RGS6: variants seen among roughly 807,000 people sequenced by gnomAD.
The protein encoded by RGS6 is regulator of G-protein signaling 6.
RGS6 carries 30 observed loss-of-function variants against 78.5 expected under a neutral mutation model. The ratio of observed to expected loss-of-function variants is 0.38; its 90% CI spans 0.29 to 0.52. The LOEUF is 0.52. RGS6 is among the 20% of genes least tolerant of loss of function. RGS6 has a pLI of 0.85. For missense variants in RGS6, 495 were observed against 609.7 expected (o/e 0.81, Z 1.98); for synonymous variants, 206 against 206.0 (o/e 1.00, Z 0.00).
intron 2 of RGS6, among the ~76,000 whole-genome samples, chr14:72,096,209 G>A (rs1440997381): frequency 6.6e-6 from 1 of 151,998 alleles, no homozygotes; most frequent in East Asian, 1.9e-4. Flanking sequence ...GGGAGGTGGA[G>A]GTTGCAGTGA....
intron 2 of RGS6, among the ~76,000 whole-genome samples, chr14:72,166,333 C>T (rs1453322323): frequency 6.6e-6 from 1 of 151,956 alleles, no homozygotes; most frequent in Non-Finnish European, 1.5e-5. Context: ...TCATGAATTC[C>T]TTTATGTAAT....
intron 2 of RGS6, among the ~76,000 whole-genome samples, chr14:72,087,779 T>C (rs2095109252): frequency 6.6e-6 from 1 of 152,124 alleles, no homozygotes; most frequent in Non-Finnish European, 1.5e-5. Context: ...AAACTAAGTT[T>C]TAAAAGACCC....
At chr14:72,290,256 G>A (rs1379795620) in intron 2 of RGS6, among the ~76,000 whole-genome samples, 2 of 152,140 alleles carry the variant, frequency 1.3e-5, no homozygotes, top group Admixed American at 1.3e-4. Context: ...TCAGTGTTTG[G>A]GCTCATTCTC....
intron 2 of RGS6, among the ~76,000 whole-genome samples, chr14:72,318,578 T>C (rs1015904852): frequency 2.6e-5 from 4 of 152,150 alleles, no homozygotes; most frequent in African/African-American, 9.7e-5. Context: ...ATATATGACG[T>C]AAGGCTGGCC....
At chr14:72,531,285 C>T (rs2097179424) in intron 15 of RGS6, among the ~76,000 whole-genome samples, 1 of 151,992 alleles carries the variant, frequency 6.6e-6, no homozygotes, top group Non-Finnish European at 1.5e-5. Context: ...ATAAAAAAAT[C>T]AGCTGGGTGT....
intron 1 of RGS6, among the ~76,000 whole-genome samples, chr14:71,934,195 C>G (rs2088540721): frequency 6.6e-6 from 1 of 152,130 alleles, no homozygotes; most frequent in Admixed American, 6.5e-5. Context: ...CTTTGCAAGC[C>G]AAATCTCGCA....
intron 2 of RGS6, among the ~76,000 whole-genome samples, chr14:72,004,645 GC>G: frequency 6.6e-6 from 1 of 152,098 alleles, no homozygotes; most frequent in African/African-American, 2.4e-5. Context: ...ACCAGCCTGG[GC>G]AACATGGTAA....
intron 3 of RGS6, among the ~76,000 whole-genome samples, chr14:72,360,841 CAT>C (rs1453860202): frequency 2.0e-5 from 3 of 152,128 alleles, no homozygotes; most frequent in Non-Finnish European, 4.4e-5. Flanking sequence ...ATAATCCGCA[CAT>C]GTCGAGGGAG....
intron 3 of RGS6, among the ~76,000 whole-genome samples, chr14:72,369,276 A>G (rs539793752): frequency 3.1e-3 from 466 of 152,322 alleles, no homozygotes; most frequent in Non-Finnish European, 5.2e-3. Flanking sequence ...ATGGCCTCAG[A>G]GGCAGAGATT....
chr14:71,982,840 C>A (rs1448165288), intron 2 of RGS6, among the ~76,000 whole-genome samples: 1 of 152,162 alleles, frequency 6.6e-6, no homozygotes, highest in East Asian at 1.9e-4. Flanking sequence ...TTCAGCATTT[C>A]CAGTTGCTCT....
rs202182035 is a variant in RGS6 at position 72,215,172 on chromosome 14, A to G, written c.85-136923A>G. ...ATTTCAATACCAGGGGCTGCTATCC[A>G]CTCTTCTCTTCCTCCTTTTCTAGGA... is the stretch of plus-strand genomic sequence containing the variant. On this transcript the variant is annotated intron_variant, in intron 2 of 17. Transcript: ENST00000553525. Among the ~76,000 whole-genome samples the G allele has an allele frequency of 6.6e-5, 10 of 151,936 alleles. No individual in the cohort carries two copies. In the East Asian group the frequency reaches 1.7e-3, roughly 26 times the overall value.
intron 2 of RGS6, among the ~76,000 whole-genome samples, chr14:72,201,151 C>T (rs552234852): frequency 1.3e-5 from 2 of 152,024 alleles, no homozygotes; most frequent in Non-Finnish European, 2.9e-5. Context: ...AGATGGCTGC[C>T]GTGGGATGTA....
the RGS6 span, among the ~76,000 whole-genome samples, chr14:72,610,685 G>C: frequency 1.3e-5 from 2 of 152,230 alleles, no homozygotes; most frequent in Non-Finnish European, 2.9e-5. Context: ...ATGAGACCGT[G>C]TTCTCAGCCT....
the RGS6 span, among the ~76,000 whole-genome samples, chr14:72,590,366 C>T: frequency 1.3e-5 from 2 of 152,170 alleles, no homozygotes; most frequent in Non-Finnish European, 2.9e-5. Context: ...TCATAATAGC[C>T]TCAAATTTGC....
intron 2 of RGS6, among the ~76,000 whole-genome samples, chr14:72,009,435 A>G (rs1410030803): frequency 1.3e-5 from 2 of 152,240 alleles, no homozygotes; most frequent in South Asian, 2.1e-4. Flanking sequence ...ACTTGTCACA[A>G]TACGATGCTG....
the RGS6 span, among the ~76,000 whole-genome samples, chr14:72,572,345 A>AGT: frequency 1.4e-4 from 21 of 152,356 alleles, no homozygotes; most frequent in Admixed American, 1.1e-3. Context: ...TTTGAACACA[A>AGT]GTGTTCATAG....
chr14:72,299,093 T>C (rs1472241778), intron 2 of RGS6, among the ~76,000 whole-genome samples: 1 of 152,242 alleles, frequency 6.6e-6, no homozygotes, highest in Non-Finnish European at 1.5e-5. Context: ...CCATATTACC[T>C]TTTATTGTGT....
chr14:72,356,073 G>A (rs2080213000), intron 3 of RGS6, among the ~76,000 whole-genome samples: 2 of 152,110 alleles, frequency 1.3e-5, no homozygotes, highest in Admixed American at 1.3e-4. Flanking sequence ...GAATTCCCTG[G>A]GGGATTGAGG....
intron 3 of RGS6, among the ~76,000 whole-genome samples, chr14:72,364,786 G>A (rs59379599): frequency 0.029 from 4,343 of 152,264 alleles, 88 homozygotes; most frequent in Middle Eastern, 0.12. Flanking sequence ...GGAGACCAAT[G>A]GCACGATGAT....
Sources: gnomAD v4.1 joint callset for allele counts (sites outside exome capture counted in the v4.1 genomes callset) on GRCh38, gnomAD v4.1.1 for gene constraint, MANE v1.5 for transcripts, NCBI Gene and HGNC (gene_info 2026-07-23, HGNC 2026-07-21) for gene names.